Variants in ETV6 observed in about 807,000 individuals in gnomAD.
The protein encoded by ETV6 is transcription factor ETV6.
Under a neutral mutation model 51.1 loss-of-function variants are expected in ETV6, and 16 were observed. That is an observed-to-expected ratio of 0.31 (90% CI 0.21 to 0.48). ETV6 has a LOEUF of 0.48. Ranked by LOEUF, ETV6 falls within the 20% of genes least tolerant of loss-of-function variation. The probability of loss-of-function intolerance (pLI) is 0.99; values close to 1 mark genes in which losing one functional copy is unlikely to be tolerated. For synonymous variants in ETV6, 240 were observed against 224.1 expected (o/e 1.07, Z -0.64); for missense variants, 458 against 594.8 (o/e 0.77, Z 2.39).
At chr12:11,738,326 TTTA>T (rs1359300971) in intron 1 of ETV6, among the ~76,000 whole-genome samples, 33 of 129,968 alleles carry the variant, frequency 2.5e-4, no homozygotes, top group South Asian at 2.0e-3. Context: ...TTTTTTTTTT[TTTA>T]AATTTGAGAC....
At chr12:11,876,698 C>G (rs1946990314) in intron 5 of ETV6, among the ~76,000 whole-genome samples, 1 of 152,170 alleles carries the variant, frequency 6.6e-6, no homozygotes, top group Admixed American at 6.5e-5. Context: ...GTTCAAAGGC[C>G]ATGGCCTACC....
At chr12:11,655,975 T>G (rs1401712666) in intron 1 of ETV6, among the ~76,000 whole-genome samples, 3 of 152,262 alleles carry the variant, frequency 2.0e-5, no homozygotes, top group African/African-American at 7.2e-5. Flanking sequence ...CAACCAGTTG[T>G]AGCTTACAGC....
Position 11,769,282 on chromosome 12 carries a change from G to A in ETV6, c.163+16703G>A, listed in dbSNP as rs117188625. On this transcript the variant is annotated intron_variant, in intron 2 of 7. Coordinates refer to ENST00000396373, the MANE Select transcript of ETV6 (RefSeq NM_001987.5). ...TTTTTCACTTATTTGGGCATAGATA[G>A]TTCCAGAATTTACTTGTCTTCCTCA... Among the ~76,000 whole-genome samples the A allele has an allele frequency of 2.2e-3, 336 of 152,256 alleles. 2 individuals are homozygous for A. Among genetic ancestry groups the A allele is most frequent in the Non-Finnish European group, 3.7e-3 (250 of 68,008 alleles).
intron 5 of ETV6, among the ~76,000 whole-genome samples, chr12:11,872,494 CTT>C (rs10528272): frequency 2.1e-5 from 3 of 142,742 alleles, no homozygotes; most frequent in Admixed American, 7.0e-5. Context: ...AATTATATTA[CTT>C]TTTTTTTTTT....
At chr12:11,837,157 T>G (rs566073580) in intron 2 of ETV6, among the ~76,000 whole-genome samples, 2 of 152,350 alleles carry the variant, frequency 1.3e-5, no homozygotes, top group East Asian at 3.9e-4. Context: ...ATCCATGGAC[T>G]GTTTTTAATA....
At chr12:11,782,900 A>G (rs1945432262) in intron 2 of ETV6, among the ~76,000 whole-genome samples, 1 of 152,244 alleles carries the variant, frequency 6.6e-6, no homozygotes, top group African/African-American at 2.4e-5. Context: ...CTGGCTAAAG[A>G]AGAAAAGATG....
chr12:11,824,930 C>T (rs1946131375), intron 2 of ETV6, among the ~76,000 whole-genome samples: 1 of 152,102 alleles, frequency 6.6e-6, no homozygotes. Context: ...TGGAACCATG[C>T]CATTTCATAA....
At chr12:11,827,158 GT>G (rs796182311) in intron 2 of ETV6, among the ~76,000 whole-genome samples, 1 of 149,466 alleles carries the variant, frequency 6.7e-6, no homozygotes, top group Non-Finnish European at 1.5e-5. Context: ...CTCCAAGTTT[GT>G]TTTTTTTTGT....
At chr12:11,724,518 A>G (rs1002519694) in intron 1 of ETV6, among the ~76,000 whole-genome samples, 2 of 152,164 alleles carry the variant, frequency 1.3e-5, no homozygotes, top group East Asian at 3.9e-4. Context: ...TTGAAAGTCT[A>G]CTATATGCCG....
intron 1 of ETV6, among the ~76,000 whole-genome samples, chr12:11,720,905 C>T (rs1225758646): frequency 6.6e-6 from 1 of 152,012 alleles, no homozygotes; most frequent in Non-Finnish European, 1.5e-5. Context: ...AAAAAATGGG[C>T]AAAGGGCATG....
intron 2 of ETV6, among the ~76,000 whole-genome samples, chr12:11,825,107 C>A (rs911790861): frequency 6.6e-6 from 1 of 152,180 alleles, no homozygotes; most frequent in African/African-American, 2.4e-5. Context: ...ACCCTACTTA[C>A]CTCCAAATGA....
chr12:11,826,146 T>C (rs1946150426), intron 2 of ETV6, among the ~76,000 whole-genome samples: 1 of 152,132 alleles, frequency 6.6e-6, no homozygotes, highest in Non-Finnish European at 1.5e-5. Context: ...AACAGCATGC[T>C]TTTACAAATA....
At chr12:11,705,408 T>C (rs1405760705) in intron 1 of ETV6, among the ~76,000 whole-genome samples, 11 of 152,252 alleles carry the variant, frequency 7.2e-5, no homozygotes, top group Non-Finnish European at 1.5e-5. Flanking sequence ...TTTATTTATA[T>C]TCTCTGCCCT....
At chr12:11,850,230 C>A (rs990204145) in intron 3 of ETV6, among the ~76,000 whole-genome samples, 1 of 152,148 alleles carries the variant, frequency 6.6e-6, no homozygotes, top group Non-Finnish European at 1.5e-5. Context: ...TCGGGAAGAA[C>A]CCCTCTGACC....
intron 1 of ETV6, among the ~76,000 whole-genome samples, chr12:11,698,008 A>T (rs1425248252): frequency 6.6e-6 from 1 of 152,232 alleles, no homozygotes; most frequent in South Asian, 2.1e-4. Flanking sequence ...AACAAAAAAA[A>T]TTTAAAAAAA....
chr12:11,805,517 A>G (rs1945816368), intron 2 of ETV6, among the ~76,000 whole-genome samples: 1 of 151,798 alleles, frequency 6.6e-6, no homozygotes, highest in African/African-American at 2.4e-5. Context: ...AAAGCATAAA[A>G]TACAGAAATC....
At chr12:11,700,571 A>G (rs555007150) in intron 1 of ETV6, among the ~76,000 whole-genome samples, 11 of 152,362 alleles carry the variant, frequency 7.2e-5, no homozygotes, top group African/African-American at 2.4e-4. Flanking sequence ...CCGATAACGT[A>G]AATGGTTAAT....
In ETV6 at chr12:11,891,010, G is replaced by A. The variant is rs1204882207; in HGVS notation, c.1323G>A (p.Glu441=). ...TDRLEHLESQ[E]LDEQIYQEDE... ...GTCTGGAGCACCTAGAGTCCCAGGA[G>A]CTGGATGAACAAATATACCAAGAAG... Residue 441 remains glutamate (E), a synonymous_variant, in exon 8 of 8, where the codon GAG becomes GAA. Transcript: ENST00000396373. 13 of 1,613,816 alleles carry A rather than the reference G, an allele frequency of 8.1e-6. No individual in the cohort carries two copies. The highest frequency in any genetic ancestry group is 1.0e-5 in the Non-Finnish European group (12 of 1,179,748).
intron 2 of ETV6, among the ~76,000 whole-genome samples, chr12:11,768,513 C>T (rs1945195844): frequency 6.6e-6 from 1 of 152,178 alleles, no homozygotes; most frequent in South Asian, 2.1e-4. Flanking sequence ...TGCTCCAAAG[C>T]CTGTGTTCTT....
Sources: gnomAD v4.1 joint callset for allele counts (sites outside exome capture counted in the v4.1 genomes callset) on GRCh38, gnomAD v4.1.1 for gene constraint, MANE v1.5 for transcripts, NCBI Gene and HGNC (gene_info 2026-07-23, HGNC 2026-07-21) for gene names.